The following EIF3K variants were observed in gnomAD, a reference collection of about 807,000 sequenced individuals.
EIF3K encodes eukaryotic translation initiation factor 3 subunit K.
Under a neutral mutation model 34.2 loss-of-function variants are expected in EIF3K, and 27 were observed. The observed-to-expected ratio is 0.79, with a 90% CI of 0.58 to 1.09. EIF3K has a LOEUF of 1.09. Among genes scored for constraint, EIF3K ranks in the 50% least tolerant of loss-of-function variants. The probability of loss-of-function intolerance (pLI) is 0.00; values close to 1 mark genes in which losing one functional copy is unlikely to be tolerated. For missense variants in EIF3K, 232 were observed against 275.4 expected (o/e 0.84, Z 1.11); for synonymous variants, 105 against 105.7 (o/e 0.99, Z 0.04).
intron 3 of EIF3K, 32 bp downstream of exon 3, chr19:38,624,229 G>A (rs1247325728): frequency 6.2e-7 from 1 of 1,613,314 alleles, no homozygotes; most frequent in Non-Finnish European, 8.5e-7. Context: ...CGGGGGGTGT[G>A]TGGGAAGGGG....
At chr19:38,630,070 C>T (rs1245377730) in intron 4 of EIF3K, among the ~76,000 whole-genome samples, 1 of 152,076 alleles carries the variant, frequency 6.6e-6, no homozygotes, top group Non-Finnish European at 1.5e-5. Flanking sequence ...GTCTCCTCAT[C>T]TCTAAAATGG....
Position 38,620,328 on chromosome 19 carries a change from C to T in EIF3K, c.60-9C>T, listed in dbSNP as rs1160351465. 1 of 1,612,662 alleles carries T rather than the reference C, an allele frequency of 6.2e-7. No individual in the cohort carries two copies. The highest frequency in any genetic ancestry group is 8.5e-7 in the Non-Finnish European group (1 of 1,179,172). On this transcript the variant is annotated splice_polypyrimidine_tract_variant and intron_variant, in intron 1 of 7. Transcript: ENST00000248342. ...TCCTCTGTGCTCACCTATCTTGATT[C>T]TCCTTTAGGTACAATCCTGAGAACC...
chr19:38,632,561 G>T, intron 5 of EIF3K, 40 bp from the exon 6 acceptor site: 1 of 1,613,322 alleles, frequency 6.2e-7, no homozygotes, highest in Non-Finnish European at 8.5e-7. Context: ...CCAGGTCCGG[G>T]GGGACAGCTG....
At chr19:38,625,425 C>A (rs1347679022) in intron 3 of EIF3K, among the ~76,000 whole-genome samples, 1 of 151,540 alleles carries the variant, frequency 6.6e-6, no homozygotes, top group Non-Finnish European at 1.5e-5. Context: ...CTCAGCCTCC[C>A]AAAGTGATAG....
intron 6 of EIF3K, among the ~76,000 whole-genome samples, chr19:38,634,784 C>T (rs1490087297): frequency 6.6e-6 from 1 of 152,178 alleles, no homozygotes; most frequent in African/African-American, 2.4e-5. Flanking sequence ...AAAGAGCTCA[C>T]AGGCTCCCTC....
At chr19:38,621,851 T>C (rs970006424) in intron 2 of EIF3K, among the ~76,000 whole-genome samples, 1 of 152,068 alleles carries the variant, frequency 6.6e-6, no homozygotes, top group African/African-American at 2.4e-5. Flanking sequence ...CTTGTGTGGC[T>C]GTCCTAATGA....
intron 4 of EIF3K, among the ~76,000 whole-genome samples, chr19:38,627,938 T>C (rs1975982987): frequency 6.7e-6 from 1 of 150,364 alleles, no homozygotes; most frequent in African/African-American, 2.5e-5. Context: ...CATGTCTCGC[T>C]GTGTCACCCA....
intron 3 of EIF3K, 75 bp downstream of exon 3, chr19:38,624,272 T>C: frequency 6.3e-7 from 1 of 1,597,116 alleles, no homozygotes; most frequent in Non-Finnish European, 8.5e-7. Context: ...CCCAGGGAGA[T>C]GGTCTGTGGG....
intron 2 of EIF3K, among the ~76,000 whole-genome samples, chr19:38,622,548 A>G (rs1260795757): frequency 6.6e-6 from 1 of 152,268 alleles, no homozygotes; most frequent in Non-Finnish European, 1.5e-5. Flanking sequence ...ACAGGACCAC[A>G]GGATCAAAGC....
intron 2 of EIF3K, among the ~76,000 whole-genome samples, chr19:38,620,997 T>A (rs930713781): frequency 7.3e-5 from 11 of 150,842 alleles, no homozygotes; most frequent in African/African-American, 2.4e-4. Flanking sequence ...AGCCAAAGAG[T>A]TCGAGACCAT....
intron 2 of EIF3K, among the ~76,000 whole-genome samples, chr19:38,621,683 G>A (rs1975843590): frequency 6.6e-6 from 1 of 152,174 alleles, no homozygotes; most frequent in African/African-American, 2.4e-5. Context: ...CTTTGAACTT[G>A]ATACAGATGG....
intron 4 of EIF3K, among the ~76,000 whole-genome samples, chr19:38,628,352 G>A (rs185410613): frequency 4.4e-4 from 67 of 152,204 alleles, no homozygotes; most frequent in African/African-American, 1.3e-3. Context: ...AGCCACTGCC[G>A]TCACCAATAA....
At chr19:38,630,423 C>T (rs539741327) in intron 4 of EIF3K, among the ~76,000 whole-genome samples, 1 of 151,348 alleles carries the variant, frequency 6.6e-6, no homozygotes, top group Non-Finnish European at 1.5e-5. Flanking sequence ...CAGCTCACTG[C>T]AACCTCTGCC....
rs541311657 is a variant in EIF3K at position 38,626,201 on chromosome 19, G to C, written c.354+99G>C. ...TGCACACTGACTGGCTTCCTGCTTT[G>C]GCGGTGGGCCCAGTGCTCTGCATGT... On this transcript the variant is annotated intron_variant, in intron 4 of 7. Transcript: ENST00000248342. 4.4e-6 allele frequency: 5 copies of C among 1,143,672 alleles called. No individual in the cohort carries two copies. The East Asian group carries it at 1.2e-4, about 27-fold the overall frequency. 70.8% of individuals were successfully genotyped at this position (1,143,672 alleles called of 1,614,324 possible).
chr19:38,622,805 G>A (rs534057691), intron 2 of EIF3K, among the ~76,000 whole-genome samples: 1 of 152,218 alleles, frequency 6.6e-6, no homozygotes, highest in Non-Finnish European at 1.5e-5. Flanking sequence ...TCTTTCTCAG[G>A]GACGTTCCAT....
At position 38,625,995 on chromosome 19, in the gene EIF3K, A is replaced by G. The variant is rs768886792; in HGVS notation, c.280-33A>G. On this transcript the variant is annotated intron_variant, in intron 3 of 7. Coordinates refer to ENST00000248342, the MANE Select transcript of EIF3K (RefSeq NM_013234.4). The stretch of plus-strand genomic sequence containing the variant: ...ATCTGGGGTCCAACCTTACGCTCCG[A>G]GGCCAGTTTTCCTTAATGCTTCCTC... The G allele has an allele frequency of 1.9e-6, 3 of 1,610,534 alleles. 1 individual carries two copies. In the South Asian group the frequency reaches 3.3e-5, roughly 18 times the overall value.
rs1192992466 is a variant in EIF3K, at chr19:38,633,945, C to T, written c.500-1048C>T. Among the ~76,000 whole-genome samples the T allele has an allele frequency of 2.0e-5, 3 of 150,540 alleles. No homozygotes were observed. The East Asian group carries it at 6.2e-4, about 31-fold the overall frequency. ...CAAGATCACACCACTGCATTCCACT[C>T]TGGGCACTTTTAGTAGAGAAGGAGT... On this transcript the variant is annotated intron_variant, in intron 6 of 7. Transcript: ENST00000248342.
chr19:38,629,405 G>T lies in EIF3K; in HGVS notation c.355-3025G>T, dbSNP rs112861500. ...GACCTCCCAGGCTCAAGTGATCCCC[G>T]CACTTCAGCCTCCTGAGTAGCTGGG... On this transcript the variant is annotated intron_variant, in intron 4 of 7. Coordinates refer to ENST00000248342, the MANE Select transcript of EIF3K (RefSeq NM_013234.4). Among the ~76,000 whole-genome samples, 328 of 152,132 alleles carry T rather than the reference G, an allele frequency of 2.2e-3. 6 individuals carry two copies. Among genetic ancestry groups the T allele is most frequent in the Non-Finnish European group, 3.1e-4 (21 of 67,988 alleles).
At chr19:38,622,079 T>C (rs1190795044) in intron 2 of EIF3K, among the ~76,000 whole-genome samples, 1 of 151,216 alleles carries the variant, frequency 6.6e-6, no homozygotes, top group Admixed American at 6.6e-5. Flanking sequence ...CTAATTTTAC[T>C]TGGGTGCTTT....
Sources: allele counts gnomAD v4.1 joint callset (sites outside exome capture counted in the v4.1 genomes callset), GRCh38; gene constraint gnomAD v4.1.1; transcripts MANE v1.5; gene names NCBI Gene and HGNC (gene_info 2026-07-23, HGNC 2026-07-21).